NRL: variants seen among roughly 807,000 people sequenced by gnomAD.
NRL encodes neural retina leucine zipper.
A neutral mutation model predicts 12.5 loss-of-function variants in NRL; 16 were observed. The observed-to-expected ratio is 1.28, with a 90% CI of 0.87 to 1.95. The LOEUF (loss-of-function observed/expected upper bound fraction) is 1.95, where lower values mean the gene tolerates loss of function less well. Among genes scored for constraint, NRL ranks in the 30% most tolerant of loss-of-function variants. The pLI, the probability that NRL is intolerant of heterozygous loss-of-function variation, is 0.00. For missense variants in NRL, 314 were observed against 325.8 expected (o/e 0.96, Z 0.28); for synonymous variants, 142 against 150.9 (o/e 0.94, Z 0.43).
intron 1 of NRL, chr14:24,098,189 C>A: frequency 1.3e-6 from 2 of 1,579,150 alleles, no homozygotes; most frequent in Non-Finnish European, 1.7e-6. Context: ...TCCTGACAAT[C>A]CCCTCTCCCC....
chr14:24,099,282 G>C, intron 1 of NRL: 1 of 1,545,678 alleles, frequency 6.5e-7, no homozygotes, highest in Non-Finnish European at 8.8e-7. Flanking sequence ...GACAGGGCAG[G>C]GGTGGGGCCT....
chr14:24,108,196 G>T (rs1223508565), intron 1 of NRL, among the ~76,000 whole-genome samples: 1 of 152,190 alleles, frequency 6.6e-6, no homozygotes, highest in Non-Finnish European at 1.5e-5. Context: ...CTTTCAGGGG[G>T]AAATGGCGTT....
intron 1 of NRL, chr14:24,098,303 G>A (rs1321725586): frequency 6.2e-7 from 1 of 1,613,972 alleles, no homozygotes; most frequent in African/African-American, 1.3e-5. Flanking sequence ...CCCGCCTGGT[G>A]GGGCCCGTGG....
intron 1 of NRL, among the ~76,000 whole-genome samples, chr14:24,087,390 T>C (rs73603073): frequency 0.032 from 4,814 of 151,882 alleles, 209 homozygotes; most frequent in African/African-American, 0.1. Context: ...TAGCAAGATA[T>C]GGATGGAGTG....
intron 1 of NRL, among the ~76,000 whole-genome samples, chr14:24,088,355 G>T (rs2036517060): frequency 6.6e-6 from 1 of 152,276 alleles, no homozygotes; most frequent in Non-Finnish European, 1.5e-5. Flanking sequence ...GCTTGCAGGA[G>T]ACTGTGGACA....
At chr14:24,105,752 C>CTACAAAAA (rs1391246183) in intron 1 of NRL, among the ~76,000 whole-genome samples, 1 of 152,170 alleles carries the variant, frequency 6.6e-6, no homozygotes, top group African/African-American at 2.4e-5. Context: ...AACCCCTTCT[C>CTACAAAAA]TACAAAAATA....
In NRL at chr14:24,081,203, G is replaced by A; in HGVS notation, c.*33C>T. The A allele has an allele frequency of 7.2e-7, 1 of 1,380,484 alleles. No individual in the cohort carries two copies. 85.5% of individuals were successfully genotyped at this position (1,380,484 alleles called of 1,614,324 possible). On this transcript the variant is annotated 3_prime_UTR_variant, in exon 3 of 3. Coordinates refer to ENST00000561028, the MANE Select transcript of NRL (RefSeq NM_001354768.3). This position sits in a 1 kb window ranked among gnomAD's most constrained non-coding sequence, Gnocchi z 4.4. ...CTCCTGGGCGGAGCCACCCCACCCA[G>A]CCCCCACTACACCACAAGGTGCTCT...
In NRL at chr14:24,079,101, T is replaced by TA. The variant is rs1441840852; in HGVS notation, c.*2134dup. ...TGCGCCCCACCTAAAGCACTACTCT[T>TA]AATCACCACAGTGTGCAACTTTGTT... On this transcript the variant is annotated 3_prime_UTR_variant, in exon 3 of 3. Transcript: ENST00000561028. Among the ~76,000 whole-genome samples the TA allele has an allele frequency of 6.6e-6, 1 of 152,198 alleles. No homozygotes were observed. Among genetic ancestry groups the TA allele is most frequent in the African/African-American group, 2.4e-5 (1 of 41,430 alleles).
intron 1 of NRL, chr14:24,110,459 T>C: frequency 5.5e-6 from 1 of 181,418 alleles, no homozygotes; most frequent in South Asian, 6.2e-5. Flanking sequence ...CTATTACATG[T>C]CACCAGAAGA....
intron 1 of NRL, chr14:24,104,082 T>G: frequency 8.8e-6 from 6 of 681,832 alleles, no homozygotes; most frequent in Non-Finnish European, 1.3e-5. Flanking sequence ...CCATAGACCT[T>G]CCCACAAAGA....
intron 1 of NRL, among the ~76,000 whole-genome samples, chr14:24,092,435 T>G (rs1023920285): frequency 6.6e-6 from 1 of 152,236 alleles, no homozygotes; most frequent in Non-Finnish European, 1.5e-5. Flanking sequence ...TGGTGCCATT[T>G]GCTGAGGTAG....
At chr14:24,086,197 G>C (rs925544316) in intron 1 of NRL, among the ~76,000 whole-genome samples, 1 of 152,130 alleles carries the variant, frequency 6.6e-6, no homozygotes, top group African/African-American at 2.4e-5. Context: ...TTGGGCAACA[G>C]AGAGAGACTC....
intron 1 of NRL, among the ~76,000 whole-genome samples, chr14:24,108,155 A>C (rs1342858106): frequency 2.0e-5 from 3 of 152,174 alleles, no homozygotes; most frequent in Non-Finnish European, 4.4e-5. Flanking sequence ...CCAAACCTGG[A>C]ATCAGCTTTT....
Position 24,082,602 on chromosome 14 carries a change from C to A in NRL, c.247G>T (p.Gly83Trp), listed in dbSNP as rs1198995865. The A allele has an allele frequency of 1.9e-6, 3 of 1,613,770 alleles. No individual in the cohort carries two copies. Reference protein sequence around the residue: ...YWLATLQQQLGAGEALGLSPE... With the variant: ...YWLATLQQQLWAGEALGLSPE... ...CTCAGCCCCAATGCCTCCCCAGCCCCCAGCTGCTGCTGCAGGGTAGCCAGC... is the reference window on the plus strand; with the variant it reads ...CTCAGCCCCAATGCCTCCCCAGCCCACAGCTGCTGCTGCAGGGTAGCCAGC... Residue 83 changes from glycine (G) to tryptophan (W), a missense_variant, in exon 2 of 3, where the codon GGG (glycine) becomes TGG (tryptophan). Gly to Trp is a radical substitution (Grantham distance 184). Transcript: ENST00000561028.
At chr14:24,110,647 ATTTAT>A (rs1165168031) in intron 1 of NRL, 1 of 152,474 alleles carries the variant, frequency 6.6e-6, no homozygotes, top group African/African-American at 2.4e-5. Flanking sequence ...ATGGACCATA[ATTTAT>A]TTAACAATCC....
chr14:24,109,503 G>T (rs1419663009), intron 1 of NRL, among the ~76,000 whole-genome samples: 1 of 152,024 alleles, frequency 6.6e-6, no homozygotes, highest in Non-Finnish European at 1.5e-5. Context: ...AGACCATCCT[G>T]GCTAACATGG....
intron 1 of NRL, among the ~76,000 whole-genome samples, chr14:24,102,426 C>T (rs1247331758): frequency 6.6e-6 from 1 of 152,070 alleles, no homozygotes; most frequent in Non-Finnish European, 1.5e-5. Context: ...TTATTATAAC[C>T]TTATGCCCAT....
intron 1 of NRL, among the ~76,000 whole-genome samples, chr14:24,088,305 T>C (rs1407859193): frequency 6.6e-6 from 1 of 152,234 alleles, no homozygotes. Flanking sequence ...ACATGACTGG[T>C]TCACACATTC....
At chr14:24,103,377 C>A in intron 1 of NRL, 1 of 1,154,002 alleles carries the variant, frequency 8.7e-7, no homozygotes, top group Non-Finnish European at 1.3e-6. Flanking sequence ...CCTCTTCCCA[C>A]TTCTATCTTT....
Sources: allele counts gnomAD v4.1 joint callset (sites outside exome capture counted in the v4.1 genomes callset), GRCh38; gene constraint gnomAD v4.1.1; non-coding constraint Gnocchi (gnomAD v3.1); transcripts MANE v1.5; gene names NCBI Gene and HGNC (gene_info 2026-07-23, HGNC 2026-07-21).